Variants in PIK3C2G observed in about 807,000 individuals in gnomAD.
PIK3C2G encodes phosphatidylinositol-4-phosphate 3-kinase catalytic subunit type 2 gamma.
Under a neutral mutation model 181.1 loss-of-function variants are expected in PIK3C2G, and 168 were observed. The observed-to-expected ratio is 0.93, with a 90% CI of 0.82 to 1.05. PIK3C2G has a LOEUF of 1.05. Ranked by LOEUF, PIK3C2G falls within the 50% of genes least tolerant of loss-of-function variation. The probability of loss-of-function intolerance (pLI) is 0.00; values close to 1 mark genes in which losing one functional copy is unlikely to be tolerated. For missense variants in PIK3C2G, 1,869 were observed against 1,732.8 expected, an observed-to-expected ratio of 1.08 and a Z score of -1.40; for synonymous variants, 573 against 592.2, an observed-to-expected ratio of 0.97 and a Z score of 0.47.
At chr12:18,315,652 T>C (rs1330487889) in intron 6 of PIK3C2G, among the ~76,000 whole-genome samples, 1 of 152,134 alleles carries the variant, frequency 6.6e-6, no homozygotes, top group Non-Finnish European at 1.5e-5. Context: ...TTCTATAAGG[T>C]AAACACTATT....
the PIK3C2G span, among the ~76,000 whole-genome samples, chr12:18,683,823 T>C: frequency 6.6e-6 from 1 of 151,924 alleles, no homozygotes; most frequent in Admixed American, 6.6e-5. Context: ...TTGCCACCCA[T>C]CATCATTTCT....
chr12:18,371,204 G>T lies in PIK3C2G; in HGVS notation c.1773G>T (p.Lys591Asn). ...NETINFPLEI[K>N]SLPRESMLTV... Reference sequence around the variant, plus strand: ...GGATCAATTTTCCCCTTGAAATAAAGTCACTTCCAAGGGAATCCATGCTCA... The same window carrying T: ...GGATCAATTTTCCCCTTGAAATAAATTCACTTCCAAGGGAATCCATGCTCA... Residue 591 changes from lysine (K) to asparagine (N), a missense_variant, in exon 13 of 33, where the codon AAG becomes AAT. Transcript: ENST00000538779. 1 of 1,609,356 alleles carries T rather than the reference G, an allele frequency of 6.2e-7. No individual in the cohort carries two copies. Among genetic ancestry groups the T allele is most frequent in the Non-Finnish European group, 8.5e-7 (1 of 1,177,416 alleles).
intron 15 of PIK3C2G, among the ~76,000 whole-genome samples, chr12:18,396,993 C>G (rs1284412412): frequency 1.3e-5 from 2 of 151,916 alleles, no homozygotes; most frequent in East Asian, 3.9e-4. Context: ...AACAAAGTCT[C>G]ACTTCATAAC....
chr12:18,428,417 T>G (rs1945961310), intron 18 of PIK3C2G, among the ~76,000 whole-genome samples: 1 of 152,048 alleles, frequency 6.6e-6, no homozygotes, highest in African/African-American at 2.4e-5. Flanking sequence ...CTTCCTCAGA[T>G]TCACCATATT....
chr12:18,594,840 G>T (rs1947271900), intron 30 of PIK3C2G, among the ~76,000 whole-genome samples: 1 of 151,940 alleles, frequency 6.6e-6, no homozygotes, highest in African/African-American at 2.4e-5. Context: ...TTGTTTCTCT[G>T]TGTTTCAAGA....
chr12:18,539,948 G>T (rs1303913016), intron 25 of PIK3C2G, among the ~76,000 whole-genome samples: 1 of 151,596 alleles, frequency 6.6e-6, no homozygotes, highest in Non-Finnish European at 1.5e-5. Flanking sequence ...ATTCTATTAG[G>T]CCGTTTTGCA....
intron 18 of PIK3C2G, among the ~76,000 whole-genome samples, chr12:18,461,454 A>G (rs1033851778): frequency 1.3e-5 from 2 of 152,170 alleles, no homozygotes; most frequent in East Asian, 1.9e-4. Flanking sequence ...GACTATTTAC[A>G]TAGGGTGGAA....
At chr12:18,420,865 C>A in intron 16 of PIK3C2G, 76 bp from the exon 17 acceptor site, 1 of 776,102 alleles carries the variant, frequency 1.3e-6, no homozygotes, top group Non-Finnish European at 2.3e-6. Flanking sequence ...AGAATTCATT[C>A]TCTGTTCTCC....
At chr12:18,292,227 A>AAAAAAAAAAAAAAAAAAAAATATAT in intron 4 of PIK3C2G, among the ~76,000 whole-genome samples, 1 of 48,750 alleles carries the variant, frequency 2.1e-5, no homozygotes, top group Non-Finnish European at 3.3e-5. Context: ...AAAAAAAAAA[A>AAAAAAAAAAAAAAAAAAAAATATAT]ATATATATAT....
In PIK3C2G at chr12:18,385,236, A is replaced by G. The variant is rs537276640; in HGVS notation, c.1995+3356A>G. ...CTTCACTTTTCCGATTGTCCTCATT[A>G]GATGGTGGTTACTGCCACACTGCAG... On this transcript the variant is annotated intron_variant, in intron 14 of 32. Transcript: ENST00000538779. Among the ~76,000 whole-genome samples, 20 of 152,304 alleles carry G rather than the reference A, an allele frequency of 1.3e-4. 1 individual carries two copies. The highest frequency in any genetic ancestry group is 4.8e-4 in the African/African-American group (20 of 41,562).
At chr12:18,341,544 T>A (rs905618168) in intron 9 of PIK3C2G, among the ~76,000 whole-genome samples, 2 of 152,194 alleles carry the variant, frequency 1.3e-5, no homozygotes, top group Non-Finnish European at 2.9e-5. Context: ...CAATATTCTG[T>A]AAAAACTGGG....
In PIK3C2G at chr12:18,362,260, T is replaced by C. The variant is rs548454430; in HGVS notation, c.1626-504T>C. Among the ~76,000 whole-genome samples the C allele has an allele frequency of 2.6e-5, 4 of 152,296 alleles. No homozygotes were observed. The East Asian group carries it at 5.8e-4, about 22-fold the overall frequency. On this transcript the variant is annotated intron_variant, in intron 11 of 32. Coordinates refer to ENST00000538779, the MANE Select transcript of PIK3C2G (RefSeq NM_001288772.2). The stretch of plus-strand genomic sequence containing the variant: ...CCTAAACTGGTGACATTTCCTGTCA[T>C]CATTTATATCCAGGAAAGACAAAAG...
Position 18,491,484 on chromosome 12 carries a change from G to C in PIK3C2G, c.2719G>C (p.Glu907Gln), listed in dbSNP as rs376468347. 2.5e-6 allele frequency: 4 copies of C among 1,606,608 alleles called. No individual in the cohort carries two copies. The African/African-American group carries it at 5.3e-5, about 21-fold the overall frequency. ...GAAGAAAGAAATTGGCAGACTAGAA[G>C]AGTTCTTTCAAGATGTAAATACTTG... ...VLKKEIGRLE[E>Q]FFQDVNTCHL... Residue 907 changes from glutamate to glutamine, a missense_variant, in exon 20 of 33, where the codon GAG becomes CAG. By Grantham distance (29) the Glu-to-Gln change is conservative. Coordinates refer to ENST00000538779, the MANE Select transcript of PIK3C2G (RefSeq NM_001288772.2).
At chr12:18,454,770 T>C (rs732669) in intron 18 of PIK3C2G, among the ~76,000 whole-genome samples, 23,770 of 152,102 alleles carry the variant, frequency 0.16, 2,162 homozygotes, top group African/African-American at 0.25. Flanking sequence ...ATTCAGAAAA[T>C]TTTAGAAATT....
In PIK3C2G at chr12:18,490,544, C is replaced by T. The variant is rs145477175; in HGVS notation, c.2686-907C>T. Among the ~76,000 whole-genome samples the T allele has an allele frequency of 3.7e-3, 557 of 152,214 alleles. 4 individuals carry two copies. Among genetic ancestry groups the T allele is most frequent in the African/African-American group, 0.012 (507 of 41,540 alleles). On this transcript the variant is annotated intron_variant, in intron 19 of 32. Coordinates refer to ENST00000538779, the MANE Select transcript of PIK3C2G (RefSeq NM_001288772.2). ...CTGCTGCACTGACGACCCTTCTCAG[C>T]CTCTAGTAACCATCCTCCTACTCTC...
At chr12:18,700,512 C>CAAAAAAAAAAAAAAA in the PIK3C2G span, among the ~76,000 whole-genome samples, 50 of 67,862 alleles carry the variant, frequency 7.4e-4, 2 homozygotes, top group South Asian at 2.7e-3. Flanking sequence ...AGCCAACGTA[C>CAAAAAAAAAAAAAAA]AAAAAAAAAA....
chr12:18,333,195 A>G (rs1259657615), intron 8 of PIK3C2G, among the ~76,000 whole-genome samples: 1 of 152,096 alleles, frequency 6.6e-6, no homozygotes, highest in African/African-American at 2.4e-5. Context: ...ATGACCTTAG[A>G]TCTCAGCGGG....
upstream of PIK3C2G, among the ~76,000 whole-genome samples, chr12:18,257,840 AAAG>A (rs1031181961): frequency 1.7e-5 from 2 of 116,154 alleles, no homozygotes; most frequent in Non-Finnish European, 3.7e-5. Flanking sequence ...AGAGAAAGGA[AAAG>A]AAAGAGAAAG....
chr12:18,497,623 G>T lies in PIK3C2G; in HGVS notation c.2891G>T (p.Gly964Val), dbSNP rs1224848328. Residue 964 changes from glycine to valine, a missense_variant, in exon 22 of 33, where the codon GGA becomes GTA. Transcript: ENST00000538779. ...GKNISIIFKA[G>V]DDLRQDMLVL... Reference sequence around the variant, plus strand: ...CTATAATTTTGTTTTTAACAGGCTGGAGATGATCTTCGTCAGGATATGCTT... The same window carrying T: ...CTATAATTTTGTTTTTAACAGGCTGTAGATGATCTTCGTCAGGATATGCTT... The T allele has an allele frequency of 6.2e-7, 1 of 1,612,090 alleles. No individual in the cohort carries two copies. Among genetic ancestry groups the T allele is most frequent in the Non-Finnish European group, 8.5e-7 (1 of 1,178,888 alleles).
Sources: gnomAD v4.1 joint callset for allele counts (sites outside exome capture counted in the v4.1 genomes callset) on GRCh38, gnomAD v4.1.1 for gene constraint, MANE v1.5 for transcripts, NCBI Gene and HGNC (gene_info 2026-07-23, HGNC 2026-07-21) for gene names.